Variants in PTAFR observed in about 807,000 individuals in gnomAD.
PTAFR encodes platelet-activating factor receptor.
Under a neutral mutation model 14.7 loss-of-function variants are expected in PTAFR, and 8 were observed. That is an observed-to-expected ratio of 0.54 (90% CI 0.32 to 0.98). The LOEUF is 0.98. PTAFR is among the 50% of genes least tolerant of loss of function. PTAFR has a pLI of 0.04. For missense variants in PTAFR, 337 were observed against 451.2 expected (o/e 0.75, Z 2.29); for synonymous variants, 156 against 176.5 (o/e 0.88, Z 0.92).
intron 1 of PTAFR, among the ~76,000 whole-genome samples, chr1:28,186,275 G>A (rs552959961): frequency 8.6e-5 from 13 of 151,960 alleles, no homozygotes; most frequent in African/African-American, 2.9e-4. Context: ...GTGAGCCACT[G>A]TGCCCGGCCC....
rs1459270908 is a variant in PTAFR at position 28,192,205 on chromosome 1, C to T, written c.-39+1517G>A. 2.0e-5 allele frequency among the ~76,000 whole-genome samples: 3 copies of T among 152,094 alleles called. No homozygotes were observed. In the East Asian group the frequency reaches 5.8e-4, roughly 29 times the overall value. ...TTTCTTAACCTCTCTGAGCCTATTT[C>T]CATAGTTGTAAAATGAAGATAATAA... On this transcript the variant is annotated intron_variant, in intron 1 of 1. Transcript: ENST00000305392.
rs1557684412 is a variant in PTAFR at position 28,150,996 on chromosome 1, A to G, written c.26T>C (p.Met9Thr). ...GAGAGTGTATCGGAACTCAGAGTCC[A>G]TGTGGGAGGAGTCATGTGGCTCCAT... Reference protein sequence around the residue: MEPHDSSHMDSEFRYTLFP... With the variant: MEPHDSSHTDSEFRYTLFP... Residue 9 changes from methionine to threonine, a missense_variant, in exon 2 of 2, where the codon ATG (methionine) becomes ACG (threonine). By Grantham distance (81) the Met-to-Thr change is moderately conservative (BLOSUM62 -1). Coordinates refer to ENST00000373857, the MANE Select transcript of PTAFR (RefSeq NM_000952.5). This position sits in a 1 kb window ranked among gnomAD's most constrained non-coding sequence, Gnocchi z 6.3. 1.3e-6 allele frequency: 2 copies of G among 1,599,734 alleles called. No homozygotes were observed. Among genetic ancestry groups the G allele is most frequent in the Non-Finnish European group, 1.7e-6 (2 of 1,171,344 alleles).
chr1:28,165,784 G>GA (rs909267520), intron 1 of PTAFR, among the ~76,000 whole-genome samples: 30 of 147,510 alleles, frequency 2.0e-4, no homozygotes, highest in East Asian at 7.8e-4. Context: ...CTCTGTCTAG[G>GA]AAAAAAAAAA....
intron 1 of PTAFR, among the ~76,000 whole-genome samples, chr1:28,186,463 T>C (rs2149008218): frequency 6.6e-6 from 1 of 152,278 alleles, no homozygotes; most frequent in African/African-American, 2.4e-5. Flanking sequence ...ATCCCAATAG[T>C]TTTCCCAGAA....
intron 1 of PTAFR, among the ~76,000 whole-genome samples, chr1:28,163,288 T>A (rs1646346005): frequency 6.6e-6 from 1 of 152,186 alleles, no homozygotes; most frequent in Non-Finnish European, 1.5e-5. Flanking sequence ...TGATACAGTA[T>A]GTTTTAAGTA....
At chr1:28,157,612 T>A (rs1646278915) in intron 1 of PTAFR, among the ~76,000 whole-genome samples, 1 of 151,816 alleles carries the variant, frequency 6.6e-6, no homozygotes, top group African/African-American at 2.4e-5. Flanking sequence ...TATCATAATT[T>A]TTTTTGCATT....
At chr1:28,161,464 G>A (rs973165627) in intron 1 of PTAFR, among the ~76,000 whole-genome samples, 14 of 152,092 alleles carry the variant, frequency 9.2e-5, no homozygotes, top group African/African-American at 3.4e-4. Flanking sequence ...TTTAATGAAG[G>A]AAATAAAAAT....
chr1:28,158,449 C>T (rs12565449), intron 1 of PTAFR, among the ~76,000 whole-genome samples: 24,258 of 152,176 alleles, frequency 0.16, 2,056 homozygotes, highest in Middle Eastern at 0.25. Context: ...CCTGTAATCC[C>T]AGCACTTCGG....
intron 1 of PTAFR, among the ~76,000 whole-genome samples, chr1:28,182,744 G>A (rs1464193261): frequency 6.6e-6 from 1 of 152,036 alleles, no homozygotes; most frequent in East Asian, 1.9e-4. Context: ...GCAACGGCAC[G>A]ATCTCGGCTC....
chr1:28,184,179 G>A (rs141279732), intron 1 of PTAFR, among the ~76,000 whole-genome samples: 230 of 128,226 alleles, frequency 1.8e-3, no homozygotes, highest in African/African-American at 6.5e-3. Flanking sequence ...TCCAACCTCC[G>A]CCTCCCAGGT....
In PTAFR at chr1:28,149,978, G is replaced by T. The variant is rs757441383; in HGVS notation, c.*15C>A. 3 of 1,601,242 alleles carry T rather than the reference G, an allele frequency of 1.9e-6. No individual in the cohort carries two copies. The Admixed American group carries it at 5.0e-5, about 27-fold the overall frequency. ...ATGTTCATGGAGGAGAAGACTTCAG[G>T]CCTGGAAGCAGGGACTAATTTTTGA... is the stretch of plus-strand genomic sequence containing the variant. On this transcript the variant is annotated 3_prime_UTR_variant, in exon 2 of 2. Coordinates refer to ENST00000373857, the MANE Select transcript of PTAFR (RefSeq NM_000952.5).
At chr1:28,155,094 G>A (rs982475437) in intron 1 of PTAFR, among the ~76,000 whole-genome samples, 3 of 152,122 alleles carry the variant, frequency 2.0e-5, no homozygotes, top group Non-Finnish European at 4.4e-5. Context: ...TAGCCAGAAC[G>A]GACTTCCCAG....
At chr1:28,189,833 C>CTTTTGTTA (rs1646638006) in intron 1 of PTAFR, among the ~76,000 whole-genome samples, 1 of 151,168 alleles carries the variant, frequency 6.6e-6, no homozygotes, top group Non-Finnish European at 1.5e-5. Context: ...GTCCAGCTAA[C>CTTTTGTTA]TTTTGTATAT....
intron 1 of PTAFR, 96 bp from the exon 2 acceptor site, chr1:28,151,155 G>A: frequency 1.4e-6 from 1 of 690,252 alleles, no homozygotes; most frequent in South Asian, 2.1e-5. Flanking sequence ...TTAGAATGAT[G>A]ATGTCCCCTC....
At chr1:28,153,256 A>T (rs1646216425) in intron 1 of PTAFR, among the ~76,000 whole-genome samples, 1 of 152,158 alleles carries the variant, frequency 6.6e-6, no homozygotes. Context: ...ACCATTTCGA[A>T]CAAAACAAAA....
At chr1:28,181,091 G>A (rs902515726), upstream of PTAFR, among the ~76,000 whole-genome samples, 3 of 152,046 alleles carry the variant, frequency 2.0e-5, no homozygotes, top group Admixed American at 6.6e-5. Flanking sequence ...GAAGCAATCC[G>A]CCCTCCTCCG....
intron 1 of PTAFR, among the ~76,000 whole-genome samples, chr1:28,159,826 C>CA (rs374093626): frequency 3.1e-3 from 400 of 128,022 alleles, no homozygotes; most frequent in South Asian, 9.6e-3. Flanking sequence ...AACTCCGTCT[C>CA]AAAAAAAAAA....
chr1:28,157,289 G>A (rs374362402), intron 1 of PTAFR, among the ~76,000 whole-genome samples: 2 of 151,980 alleles, frequency 1.3e-5, no homozygotes, highest in Non-Finnish European at 2.9e-5. Context: ...ACAGGCACAC[G>A]CTACCACACC....
At chr1:28,163,207 C>T (rs924685716) in intron 1 of PTAFR, among the ~76,000 whole-genome samples, 11 of 152,198 alleles carry the variant, frequency 7.2e-5, no homozygotes, top group Non-Finnish European at 1.6e-4. Context: ...CTTCCCTGAT[C>T]GCCACAGGCA....
Sources: gnomAD v4.1 joint callset for allele counts (sites outside exome capture counted in the v4.1 genomes callset) on GRCh38, gnomAD v4.1.1 for gene constraint, Gnocchi (gnomAD v3.1) non-coding constraint, MANE v1.5 for transcripts, NCBI Gene and HGNC (gene_info 2026-07-23, HGNC 2026-07-21) for gene names.